Variants in ZNF704 observed in about 807,000 individuals in gnomAD.
ZNF704 encodes glucocorticoid induced gene 1.
ZNF704 carries 10 observed loss-of-function variants against 44.7 expected under a neutral mutation model. The ratio of observed to expected loss-of-function variants is 0.22; its 90% CI spans 0.14 to 0.38. The LOEUF (loss-of-function observed/expected upper bound fraction) is 0.38, where lower values mean the gene tolerates loss of function less well. ZNF704 is among the 10% of genes least tolerant of loss of function. The probability of loss-of-function intolerance (pLI) is 1.00; values close to 1 mark genes in which losing one functional copy is unlikely to be tolerated. For missense variants in ZNF704, 390 were observed against 545.5 expected, an observed-to-expected ratio of 0.71 and a Z score of 2.84; for synonymous variants, 211 against 207.6, an observed-to-expected ratio of 1.02 and a Z score of -0.14.
At chr8:80,670,336 A>G (rs1818259735) in intron 5 of ZNF704, among the ~76,000 whole-genome samples, 167 bp downstream of exon 5, 1 of 152,204 alleles carries the variant, frequency 6.6e-6, no homozygotes. Context: ...CCACTGTGCC[A>G]TATTGGCTTA....
rs1317593131 is a variant in ZNF704, at chr8:80,630,160, C to T, written c.*11206G>A. 1 of 152,198 alleles carries T rather than the reference C, an allele frequency of 6.6e-6. No individual in the cohort carries two copies. The highest frequency in any genetic ancestry group is 2.4e-5 in the African/African-American group (1 of 41,444). The allele number at this position is 152,198 out of a possible 1,614,324, so 9.4% of individuals were successfully genotyped here. A position where few individuals can be genotyped will look rare whatever the true frequency, so the allele number is the denominator to read the frequency against. The stretch of plus-strand genomic sequence containing the variant: ...ATTTACTTGGATTCGATACAAAATA[C>T]ATGCTACTCTTTGAAAATGCATAGT... On this transcript the variant is annotated 3_prime_UTR_variant, in exon 9 of 9. Transcript: ENST00000327835.
chr8:80,794,520 C>T (rs146004380), intron 2 of ZNF704, among the ~76,000 whole-genome samples: 2 of 152,252 alleles, frequency 1.3e-5, no homozygotes, highest in Non-Finnish European at 2.9e-5. Context: ...GACAAATCAG[C>T]TCTTTTGGGC....
At chr8:80,745,984 G>C (rs551432526) in intron 2 of ZNF704, among the ~76,000 whole-genome samples, 1 of 152,094 alleles carries the variant, frequency 6.6e-6, no homozygotes, top group South Asian at 2.1e-4. Flanking sequence ...GGGACAGCTC[G>C]GACTTTCTCA....
intron 2 of ZNF704, among the ~76,000 whole-genome samples, chr8:80,771,042 G>C (rs528149100): frequency 4.6e-5 from 7 of 152,182 alleles, no homozygotes; most frequent in African/African-American, 1.7e-4. Flanking sequence ...TTGTGTGTCT[G>C]TTTCTGAATT....
At chr8:80,726,417 T>C (rs530650746) in intron 2 of ZNF704, among the ~76,000 whole-genome samples, 1 of 152,164 alleles carries the variant, frequency 6.6e-6, no homozygotes, top group Admixed American at 6.5e-5. Flanking sequence ...CAGGGGAGAT[T>C]TGAAGATGAA....
chr8:80,832,056 G>A (rs1269376190), intron 1 of ZNF704, among the ~76,000 whole-genome samples: 1 of 152,042 alleles, frequency 6.6e-6, no homozygotes, highest in African/African-American at 2.4e-5. Context: ...TTCTTGCAAG[G>A]GAACAAAGCT....
At chr8:80,839,839 T>TGAGAGAGA (rs138328208) in intron 1 of ZNF704, among the ~76,000 whole-genome samples, 18 of 150,500 alleles carry the variant, frequency 1.2e-4, no homozygotes, top group African/African-American at 4.4e-4. Context: ...CCAGCCATAA[T>TGAGAGAGA]GAGAGAGAGA....
chr8:80,829,201 A>G (rs1258730446), intron 1 of ZNF704, among the ~76,000 whole-genome samples: 1 of 152,248 alleles, frequency 6.6e-6, no homozygotes, highest in Non-Finnish European at 1.5e-5. Context: ...CACAAATGAA[A>G]TAAATGATAA....
intron 5 of ZNF704, among the ~76,000 whole-genome samples, chr8:80,668,888 G>C (rs1386455556): frequency 1.3e-5 from 2 of 152,108 alleles, no homozygotes; most frequent in Non-Finnish European, 2.9e-5. Flanking sequence ...CACAGGCCCC[G>C]GGCTTCATAA....
intron 1 of ZNF704, among the ~76,000 whole-genome samples, chr8:80,853,434 C>A (rs1199542122): frequency 6.6e-6 from 1 of 151,880 alleles, no homozygotes; most frequent in African/African-American, 2.4e-5. Flanking sequence ...TTTTTTCTTT[C>A]CAGGACTTTA....
At chr8:80,876,169 C>T (rs961165540), upstream of ZNF704, among the ~76,000 whole-genome samples, 2 of 152,160 alleles carry the variant, frequency 1.3e-5, no homozygotes, top group Non-Finnish European at 2.9e-5. Flanking sequence ...CAGATGCCAC[C>T]ACCAGATTTA....
chr8:80,679,739 A>G (rs953037281), intron 4 of ZNF704, among the ~76,000 whole-genome samples: 1 of 152,230 alleles, frequency 6.6e-6, no homozygotes, highest in Non-Finnish European at 1.5e-5. Context: ...CTGTGCTAGC[A>G]GCTTCCACGT....
intron 1 of ZNF704, among the ~76,000 whole-genome samples, chr8:80,829,975 A>T (rs1808440986): frequency 6.6e-6 from 1 of 152,240 alleles, no homozygotes; most frequent in South Asian, 2.1e-4. Flanking sequence ...CAGATGGCAG[A>T]TGTAGATACT....
intron 2 of ZNF704, among the ~76,000 whole-genome samples, chr8:80,699,330 T>G (rs986821859): frequency 1.2e-4 from 18 of 152,218 alleles, no homozygotes; most frequent in Admixed American, 9.2e-4. Context: ...TGTTAACTCT[T>G]CCGAATTAAT....
intron 1 of ZNF704, among the ~76,000 whole-genome samples, chr8:80,832,871 G>A (rs1468909407): frequency 3.3e-5 from 5 of 152,030 alleles, no homozygotes; most frequent in African/African-American, 1.2e-4. Flanking sequence ...TCCACATCAG[G>A]ATTTAAAGAA....
intron 1 of ZNF704, among the ~76,000 whole-genome samples, chr8:80,841,865 C>T (rs1052813715): frequency 6.6e-6 from 1 of 152,206 alleles, no homozygotes; most frequent in Non-Finnish European, 1.5e-5. Flanking sequence ...TCATAGCTCA[C>T]GGCAGCCTCA....
chr8:80,727,044 G>A (rs1806493563), intron 2 of ZNF704, among the ~76,000 whole-genome samples: 2 of 152,064 alleles, frequency 1.3e-5, no homozygotes. Context: ...TTTACAGATG[G>A]AGAAACTGAG....
intron 1 of ZNF704, among the ~76,000 whole-genome samples, chr8:80,833,871 T>C (rs1005616223): frequency 1.3e-5 from 2 of 152,118 alleles, no homozygotes; most frequent in Non-Finnish European, 2.9e-5. Flanking sequence ...AGTTTGGGAA[T>C]AGGGTTTTTA....
rs370255219 is a variant in ZNF704 at position 80,646,850 on chromosome 8, T to A, written c.1033-3721A>T. On this transcript the variant is annotated intron_variant, in intron 7 of 8. Transcript: ENST00000327835. The stretch of plus-strand genomic sequence containing the variant: ...ATTATCAGGAAAATAAACATAAAAA[T>A]TAACAATTCTTGTAGAACTTATAGA... Among the ~76,000 whole-genome samples, 75 of 152,276 alleles carry A rather than the reference T, an allele frequency of 4.9e-4. 2 individuals carry two copies. The East Asian group carries it at 0.013, about 26-fold the overall frequency.
Sources: gnomAD v4.1 joint callset for allele counts (sites outside exome capture counted in the v4.1 genomes callset) on GRCh38, gnomAD v4.1.1 for gene constraint, MANE v1.5 for transcripts, NCBI Gene and HGNC (gene_info 2026-07-23, HGNC 2026-07-21) for gene names.